GTF2H3: variants seen among roughly 807,000 people sequenced by gnomAD.
The protein encoded by GTF2H3 is TFIIH basal transcription factor complex p34 subunit.
A neutral mutation model predicts 51.1 loss-of-function variants in GTF2H3; 42 were observed. The ratio of observed to expected loss-of-function variants is 0.82; its 90% CI spans 0.64 to 1.06. The LOEUF is 1.06. GTF2H3 is among the 50% of genes least tolerant of loss of function. The pLI is 0.00. For missense variants in GTF2H3, 326 were observed against 366.1 expected (o/e 0.89, Z 0.89); for synonymous variants, 123 against 123.8 (o/e 0.99, Z 0.04).
chr12:123,657,831 G>T (rs922112887), intron 9 of GTF2H3, among the ~76,000 whole-genome samples: 16 of 152,284 alleles, frequency 1.1e-4, no homozygotes, highest in Admixed American at 9.8e-4. Context: ...AGGGTCCTAG[G>T]ATCGGAGCTA....
intron 2 of GTF2H3, chr12:123,640,138 G>A (rs1955347837): frequency 2.9e-6 from 1 of 342,104 alleles, no homozygotes; most frequent in Non-Finnish European, 6.0e-6. Flanking sequence ...GGGATTATGG[G>A]AGTGAGCCAC....
intron 2 of GTF2H3, among the ~76,000 whole-genome samples, chr12:123,643,855 G>C (rs1221085047): frequency 6.9e-6 from 1 of 145,594 alleles, no homozygotes; most frequent in East Asian, 1.9e-4. Flanking sequence ...TATTTTTTGA[G>C]ATGGAGTCTT....
At chr12:123,651,193 A>G in intron 5 of GTF2H3, 137 bp downstream of exon 5, 1 of 594,976 alleles carries the variant, frequency 1.7e-6, no homozygotes, top group South Asian at 2.0e-5. Context: ...TTTTTAAAAA[A>G]TAGTTTACAT....
At chr12:123,652,651 C>T in intron 6 of GTF2H3, 56 bp from the exon 7 acceptor site, 2 of 1,535,258 alleles carry the variant, frequency 1.3e-6, no homozygotes, top group Non-Finnish European at 1.8e-6. Flanking sequence ...GGTTAGGAAA[C>T]CATATATGAT....
intron 9 of GTF2H3, among the ~76,000 whole-genome samples, chr12:123,656,437 C>T (rs1955588162): frequency 6.6e-6 from 1 of 152,158 alleles, no homozygotes; most frequent in African/African-American, 2.4e-5. Flanking sequence ...TACACATTGT[C>T]TATTAACTCC....
chr12:123,636,899 A>G (rs1181747729), intron 1 of GTF2H3, among the ~76,000 whole-genome samples: 1 of 152,068 alleles, frequency 6.6e-6, no homozygotes, highest in Non-Finnish European at 1.5e-5. Context: ...CCTGGGCAAC[A>G]AGAGCAAAAC....
intron 5 of GTF2H3, among the ~76,000 whole-genome samples, chr12:123,652,329 G>C (rs1593808618): frequency 6.6e-6 from 1 of 152,124 alleles, no homozygotes; most frequent in African/African-American, 2.4e-5. Context: ...ATTTTGGTGA[G>C]ATTACAAAGT....
intron 3 of GTF2H3, among the ~76,000 whole-genome samples, chr12:123,646,112 G>A (rs940432586): frequency 3.9e-5 from 6 of 152,202 alleles, no homozygotes; most frequent in African/African-American, 1.2e-4. Flanking sequence ...CTCACTGCAA[G>A]ATGGTGCATA....
intron 9 of GTF2H3, among the ~76,000 whole-genome samples, chr12:123,658,734 T>C (rs1593815795): frequency 6.6e-6 from 1 of 152,268 alleles, no homozygotes; most frequent in East Asian, 1.9e-4. Flanking sequence ...CTCATAAAAA[T>C]TAAAAATTTT....
intron 8 of GTF2H3, 115 bp from the exon 9 acceptor site, chr12:123,655,656 C>T (rs977535181): frequency 1.0e-5 from 7 of 667,082 alleles, no homozygotes; most frequent in Non-Finnish European, 1.6e-5. Flanking sequence ...TGCAGAGTCA[C>T]GTTGCATATT....
chr12:123,652,512 C>T lies in GTF2H3; in HGVS notation c.428-20C>T. The T allele has an allele frequency of 2.3e-6, 3 of 1,303,386 alleles. No homozygotes were observed. Among genetic ancestry groups the T allele is most frequent in the South Asian group, 2.7e-5 (2 of 74,188 alleles). The allele number at this position is 1,303,386 out of a possible 1,614,324, so 80.7% of individuals were successfully genotyped here. A position where few individuals can be genotyped will look rare whatever the true frequency, so the allele number is the denominator to read the frequency against. ...GAAGCAAAATAATATTTTTGTATTC[C>T]TTAATGTTAAGAAATTAAGACATTC... is the stretch of plus-strand genomic sequence containing the variant. On this transcript the variant is annotated intron_variant, in intron 5 of 12. Coordinates refer to ENST00000543341, the MANE Select transcript of GTF2H3 (RefSeq NM_001516.5).
intron 9 of GTF2H3, among the ~76,000 whole-genome samples, chr12:123,658,350 T>G (rs1955612397): frequency 6.6e-6 from 1 of 152,202 alleles, no homozygotes; most frequent in South Asian, 2.1e-4. Flanking sequence ...CCCAAGCGGC[T>G]GGGATTACAG....
At chr12:123,658,683 T>G (rs1486128699) in intron 9 of GTF2H3, among the ~76,000 whole-genome samples, 1 of 152,142 alleles carries the variant, frequency 6.6e-6, no homozygotes, top group African/African-American at 2.4e-5. Flanking sequence ...TCACAGTTTC[T>G]TTTTACATAA....
chr12:123,654,376 T>C (rs1955558458), intron 7 of GTF2H3, among the ~76,000 whole-genome samples: 2 of 151,642 alleles, frequency 1.3e-5, no homozygotes, highest in African/African-American at 4.8e-5. Context: ...TTGGGGTACG[T>C]GTATTTTGGT....
intron 2 of GTF2H3, among the ~76,000 whole-genome samples, chr12:123,642,073 C>CT (rs1221477529): frequency 1.3e-4 from 19 of 151,990 alleles, no homozygotes; most frequent in Admixed American, 7.9e-4. Flanking sequence ...AGGCTGATCT[C>CT]TAATTCCTGA....
intron 7 of GTF2H3, 25 bp from the exon 8 acceptor site, chr12:123,654,899 G>C (rs1282052835): frequency 1.3e-6 from 2 of 1,557,300 alleles, no homozygotes; most frequent in Middle Eastern, 1.7e-4. Flanking sequence ...TGCCTGGGTG[G>C]AATTAACATG....
chr12:123,662,491 C>A lies in GTF2H3; in HGVS notation c.*2256C>A, dbSNP rs1566237161. On this transcript the variant is annotated 3_prime_UTR_variant, in exon 13 of 13. Coordinates refer to ENST00000543341, the MANE Select transcript of GTF2H3 (RefSeq NM_001516.5). ...CAAGCTAGCAAGGCTTTTATTATTACTTTTTTATTTGAAATATCTTATATA... is the reference window on the plus strand; with the variant it reads ...CAAGCTAGCAAGGCTTTTATTATTAATTTTTTATTTGAAATATCTTATATA... 1 of 151,984 alleles carries A rather than the reference C, an allele frequency of 6.6e-6. No individual in the cohort carries two copies. Among genetic ancestry groups the A allele is most frequent in the African/African-American group, 2.4e-5 (1 of 41,404 alleles). The allele number at this position is 151,984 out of a possible 1,614,324, so 9.4% of individuals were successfully genotyped here.
chr12:123,641,734 GAA>G (rs1336480269), intron 2 of GTF2H3, among the ~76,000 whole-genome samples: 10 of 152,012 alleles, frequency 6.6e-5, no homozygotes. Context: ...TATGTATCAT[GAA>G]TTTTTTGGTT....
chr12:123,637,372 TAAAAA>T (rs769710584), intron 1 of GTF2H3, among the ~76,000 whole-genome samples: 13 of 151,896 alleles, frequency 8.6e-5, no homozygotes, highest in Admixed American at 8.5e-4. Context: ...CCCCATCTCT[TAAAAA>T]AAACCCAAAA....
Sources: gnomAD v4.1 joint callset for allele counts (sites outside exome capture counted in the v4.1 genomes callset) on GRCh38, gnomAD v4.1.1 for gene constraint, MANE v1.5 for transcripts, NCBI Gene and HGNC (gene_info 2026-07-23, HGNC 2026-07-21) for gene names.